SLC15A1: variants seen among roughly 807,000 people sequenced by gnomAD.
The protein encoded by SLC15A1 is Caco-2 oligopeptide transporter.
In SLC15A1, 83 loss-of-function variants were observed where a neutral mutation model predicts 92.9. The observed-to-expected ratio is 0.89, with a 90% CI of 0.75 to 1.07. The LOEUF is 1.07. Among genes scored for constraint, SLC15A1 ranks in the 50% least tolerant of loss-of-function variants. SLC15A1 has a pLI of 0.00. For synonymous variants in SLC15A1, 322 were observed against 318.2 expected, an observed-to-expected ratio of 1.01 and a Z score of -0.13; for missense variants, 857 against 880.1, an observed-to-expected ratio of 0.97 and a Z score of 0.33.
At chr13:98,740,436 C>T (rs927177553) in intron 1 of SLC15A1, among the ~76,000 whole-genome samples, 6 of 152,262 alleles carry the variant, frequency 3.9e-5, no homozygotes, top group Admixed American at 2.0e-4. Flanking sequence ...GCATTCAAGG[C>T]CCCCCAGGGT....
At position 98,719,282 on chromosome 13, in the gene SLC15A1, G is replaced by C. The variant is rs895866918; in HGVS notation, c.595C>G (p.Pro199Ala). The change falls in exon 8 of 23, where the codon CCA becomes GCA. Residue 199 changes from proline to alanine, a missense_variant. Pro to Ala is a conservative substitution (Grantham distance 27, BLOSUM62 -1). Coordinates refer to ENST00000376503, the MANE Select transcript of SLC15A1 (RefSeq NM_005073.4). ...CGIHSKQACY[P>A]LAFGVPAALM... is the part of the protein sequence containing the mutation. ...GCAGCAGGAACCCCAAAGGCCAGTG[G>C]GTAACAAGCTTGTTTACTGTGAATT... 7 of 1,613,740 alleles carry C rather than the reference G, an allele frequency of 4.3e-6. No individual in the cohort carries two copies. The Admixed American group carries it at 5.0e-5, about 12-fold the overall frequency.
intron 7 of SLC15A1, among the ~76,000 whole-genome samples, chr13:98,719,585 G>A (rs1193677933): frequency 2.6e-5 from 4 of 152,182 alleles, no homozygotes; most frequent in African/African-American, 7.2e-5. Context: ...TCTTGGTTCT[G>A]TGGATTTTCT....
chr13:98,686,173 C>T lies in SLC15A1; in HGVS notation c.1935+17G>A. ...GGAAAGACAGAGGTATGTGCAATCT[C>T]CTCTCCCACGCCATACCTGTTTGCT... On this transcript the variant is annotated intron_variant, in intron 22 of 22. Coordinates refer to ENST00000376503, the MANE Select transcript of SLC15A1 (RefSeq NM_005073.4). 4.4e-6 allele frequency: 7 copies of T among 1,581,290 alleles called. No individual in the cohort carries two copies. The highest frequency in any genetic ancestry group is 6.1e-6 in the Non-Finnish European group (7 of 1,151,270).
chr13:98,737,414 G>A (rs998361498), intron 1 of SLC15A1, among the ~76,000 whole-genome samples: 2 of 152,162 alleles, frequency 1.3e-5, no homozygotes, highest in African/African-American at 4.8e-5. Flanking sequence ...AATGGGTGCA[G>A]CAAACCAACA....
intron 8 of SLC15A1, among the ~76,000 whole-genome samples, 183 bp downstream of exon 8, chr13:98,719,054 C>T (rs961256731): frequency 1.3e-5 from 2 of 152,310 alleles, no homozygotes; most frequent in African/African-American, 2.4e-5. Flanking sequence ...CCTATTCCCT[C>T]GGAATTGATG....
intron 9 of SLC15A1, 135 bp downstream of exon 9, chr13:98,715,743 C>A: frequency 1.5e-6 from 1 of 671,296 alleles, no homozygotes; most frequent in Non-Finnish European, 2.5e-6. Flanking sequence ...TTAGAAGAAG[C>A]TACAATTTAC....
intron 14 of SLC15A1, among the ~76,000 whole-genome samples, chr13:98,709,010 C>T (rs555489329): frequency 1.3e-5 from 2 of 150,772 alleles, no homozygotes; most frequent in South Asian, 4.2e-4. Context: ...TTCTGTCACC[C>T]CGGCTGGAGT....
chr13:98,730,722 A>G (rs2088344062), intron 1 of SLC15A1, among the ~76,000 whole-genome samples: 1 of 152,228 alleles, frequency 6.6e-6, no homozygotes, highest in South Asian at 2.1e-4. Flanking sequence ...CTTCCCACAG[A>G]GGGGAAATTC....
chr13:98,729,877 G>A (rs1179863515), intron 1 of SLC15A1, among the ~76,000 whole-genome samples: 2 of 152,070 alleles, frequency 1.3e-5, no homozygotes, highest in African/African-American at 4.8e-5. Context: ...CCTGCAGCTC[G>A]GCGTGGCCCC....
At chr13:98,689,487 C>G (rs60114544) in intron 18 of SLC15A1, among the ~76,000 whole-genome samples, 209 of 152,246 alleles carry the variant, frequency 1.4e-3, no homozygotes, top group African/African-American at 5.0e-3. Context: ...GCTCTGTTGC[C>G]CAGGCTAGAG....
chr13:98,700,308 G>T (rs1186483462), intron 18 of SLC15A1, among the ~76,000 whole-genome samples: 1 of 151,780 alleles, frequency 6.6e-6, no homozygotes, highest in Non-Finnish European at 1.5e-5. Flanking sequence ...GCAACATAGT[G>T]AGACCCCATC....
At chr13:98,736,972 A>T (rs1311840073) in intron 1 of SLC15A1, among the ~76,000 whole-genome samples, 1 of 152,234 alleles carries the variant, frequency 6.6e-6, no homozygotes, top group African/African-American at 2.4e-5. Context: ...ATACCATTTG[A>T]CCCAGCCATC....
chr13:98,697,044 A>G (rs56912637), intron 18 of SLC15A1, among the ~76,000 whole-genome samples: 14,610 of 151,906 alleles, frequency 0.096, 1,790 homozygotes, highest in African/African-American at 0.29. Context: ...GCTGTGAGAA[A>G]ATTAATTTCT....
chr13:98,752,457 C>A, intron 1 of SLC15A1, 138 bp downstream of exon 1: 1 of 827,858 alleles, frequency 1.2e-6, no homozygotes, highest in Non-Finnish European at 1.6e-6. Flanking sequence ...CCCGCAACCT[C>A]CCGGCCCCCG....
rs1310096083 is a variant in SLC15A1 at position 98,721,802 on chromosome 13, ACCTGGC to A, written c.461_465+1del. On this transcript the variant is annotated splice_donor_variant and coding_sequence_variant, in exon 6 of 23. Coordinates refer to ENST00000376503, the MANE Select transcript of SLC15A1 (RefSeq NM_005073.4). LOFTEE classifies it high-confidence loss of function. The stretch of plus-strand genomic sequence containing the variant: ...GGGCTCTGGGGAGGCCCCTACCCTT[ACCTGGC>A]CCTCTTCAAACTGATCTCCACCAAA... 6 of 1,613,800 alleles carry A rather than the reference ACCTGGC, an allele frequency of 3.7e-6. No homozygotes were observed. In the African/African-American group the frequency reaches 4.0e-5, roughly 11 times the overall value.
chr13:98,727,437 A>G (rs1030540081), intron 1 of SLC15A1, among the ~76,000 whole-genome samples: 3 of 152,184 alleles, frequency 2.0e-5, no homozygotes, highest in Non-Finnish European at 2.9e-5. Flanking sequence ...CCAGGTTCTG[A>G]AAGCAGAAGA....
chr13:98,711,935 G>A lies in SLC15A1; in HGVS notation c.819C>T (p.Leu273=), dbSNP rs2088166743. Residue 273 remains leucine (L), a synonymous_variant, in exon 11 of 23, where the codon CTC becomes CTT. Coordinates refer to ENST00000376503, the MANE Select transcript of SLC15A1 (RefSeq NM_005073.4). ...DWAKEKYDER[L]ISQIKMVTRV... ...TCGTAACCATCTTAATTTGGGAGATGAGCCGCTCCTGTAGTTGGAGTGGGG... is the reference window on the plus strand; with the variant it reads ...TCGTAACCATCTTAATTTGGGAGATAAGCCGCTCCTGTAGTTGGAGTGGGG... 1.9e-6 allele frequency: 3 copies of A among 1,611,866 alleles called. No homozygotes were observed. In the South Asian group the frequency reaches 3.3e-5, roughly 18 times the overall value.
chr13:98,723,709 A>G (rs1394743379), intron 5 of SLC15A1, among the ~76,000 whole-genome samples: 1 of 152,190 alleles, frequency 6.6e-6, no homozygotes, highest in Non-Finnish European at 1.5e-5. Flanking sequence ...CCTCAGAGTG[A>G]GCAATGCCTC....
At chr13:98,749,646 C>T (rs2088525614) in intron 1 of SLC15A1, among the ~76,000 whole-genome samples, 3 of 152,148 alleles carry the variant, frequency 2.0e-5, no homozygotes, top group Non-Finnish European at 4.4e-5. Context: ...TGAATTCAAC[C>T]TGACAGCCCT....
Sources: allele counts gnomAD v4.1 joint callset (sites outside exome capture counted in the v4.1 genomes callset), GRCh38; gene constraint gnomAD v4.1.1; transcripts MANE v1.5; gene names NCBI Gene and HGNC (gene_info 2026-07-23, HGNC 2026-07-21).